Variants in AKAP6 observed in about 807,000 individuals in gnomAD.
AKAP6 encodes the protein A-kinase anchoring protein 6, also known as A-kinase anchor protein 6.
In AKAP6, 58 loss-of-function variants were observed where a neutral mutation model predicts 188.5. The observed-to-expected ratio is 0.31, with a 90% CI of 0.25 to 0.38. The LOEUF is 0.38. Among genes scored for constraint, AKAP6 ranks in the 10% least tolerant of loss-of-function variants. The pLI is 1.00. For missense variants in AKAP6, 2,710 were observed against 2,740.0 expected, an observed-to-expected ratio of 0.99 and a Z score of 0.24; for synonymous variants, 989 against 998.6, an observed-to-expected ratio of 0.99 and a Z score of 0.18.
intron 1 of AKAP6, among the ~76,000 whole-genome samples, chr14:32,378,845 T>C (rs17098933): frequency 0.11 from 16,852 of 152,092 alleles, 1,482 homozygotes; most frequent in African/African-American, 0.23. Context: ...AAACTAATAC[T>C]TATCTAATAG....
chr14:32,681,678 T>A (rs1342331377), intron 8 of AKAP6, among the ~76,000 whole-genome samples: 4 of 29,606 alleles, frequency 1.4e-4, no homozygotes, highest in Non-Finnish European at 2.2e-4. Flanking sequence ...ATTTGACAAA[T>A]TTTTTTTTTT....
At chr14:32,787,168 A>G (rs1325521084) in intron 12 of AKAP6, among the ~76,000 whole-genome samples, 1 of 152,256 alleles carries the variant, frequency 6.6e-6, no homozygotes, top group African/African-American at 2.4e-5. Flanking sequence ...AACTCGAGGA[A>G]ATTTGCAATG....
intron 3 of AKAP6, among the ~76,000 whole-genome samples, chr14:32,536,669 A>T (rs757333635): frequency 6.6e-6 from 1 of 152,158 alleles, no homozygotes; most frequent in South Asian, 2.1e-4. Context: ...GATTTTTCTT[A>T]TTTATATTCA....
intron 7 of AKAP6, among the ~76,000 whole-genome samples, chr14:32,606,991 T>C (rs1886151046): frequency 6.6e-6 from 1 of 152,126 alleles, no homozygotes. Flanking sequence ...GCAAGTCTAG[T>C]GTTAGCATGT....
intron 5 of AKAP6, among the ~76,000 whole-genome samples, chr14:32,581,474 A>AT (rs1477640602): frequency 6.6e-6 from 1 of 151,966 alleles, no homozygotes; most frequent in African/African-American, 2.4e-5. Flanking sequence ...TATTCTGTTG[A>AT]TTTGGGGTGG....
At chr14:32,486,481 T>C (rs563070249) in intron 2 of AKAP6, among the ~76,000 whole-genome samples, 1 of 152,330 alleles carries the variant, frequency 6.6e-6, no homozygotes, top group East Asian at 1.9e-4. Context: ...TTGTGTTGTA[T>C]CTTATTTCCT....
intron 2 of AKAP6, among the ~76,000 whole-genome samples, chr14:32,510,467 T>C (rs1474112106): frequency 3.0e-5 from 4 of 133,388 alleles, no homozygotes; most frequent in Non-Finnish European, 6.2e-5. Flanking sequence ...TATGTGTATA[T>C]ATATATATAC....
rs547035945 is a variant in AKAP6 at position 32,675,924 on chromosome 14, G to A, written c.2731-2387G>A. Among the ~76,000 whole-genome samples, 11 of 152,278 alleles carry A rather than the reference G, an allele frequency of 7.2e-5. No homozygotes were observed. In the South Asian group the frequency reaches 1.2e-3, roughly 17 times the overall value. ...AGAGATGAATGCAGATTATTTTTCT[G>A]TAATGGTGTTGAGTCTAGATGAAGT... On this transcript the variant is annotated intron_variant, in intron 7 of 13. Coordinates refer to ENST00000280979, the MANE Select transcript of AKAP6 (RefSeq NM_004274.5).
chr14:32,484,443 C>T (rs1879548415), intron 2 of AKAP6: 1 of 170,416 alleles, frequency 5.9e-6, no homozygotes, highest in Admixed American at 1.2e-4. Flanking sequence ...CCGGCGCCGG[C>T]TTCCACTATG....
chr14:32,550,988 C>T (rs1447554530), intron 4 of AKAP6, among the ~76,000 whole-genome samples: 1 of 152,128 alleles, frequency 6.6e-6, no homozygotes, highest in African/African-American at 2.4e-5. Context: ...CAGATTATGT[C>T]ATCCCTCTGC....
At chr14:32,648,849 G>A (rs965400009) in intron 7 of AKAP6, among the ~76,000 whole-genome samples, 1 of 151,838 alleles carries the variant, frequency 6.6e-6, no homozygotes, top group African/African-American at 2.4e-5. Flanking sequence ...TTCATGAGGC[G>A]GTACCTCTAC....
At chr14:32,536,894 G>A (rs937679660) in intron 3 of AKAP6, among the ~76,000 whole-genome samples, 5 of 152,124 alleles carry the variant, frequency 3.3e-5, no homozygotes, top group East Asian at 1.9e-4. Flanking sequence ...GGGTGTGTAC[G>A]CGCAGGCATG....
At chr14:32,377,545 G>A (rs539915753) in intron 1 of AKAP6, among the ~76,000 whole-genome samples, 1 of 152,236 alleles carries the variant, frequency 6.6e-6, no homozygotes, top group South Asian at 2.1e-4. Context: ...AGGGTGCCAT[G>A]CTGAGAGAAA....
chr14:32,769,562 T>TGG (rs2032834324), intron 11 of AKAP6, among the ~76,000 whole-genome samples: 1 of 151,106 alleles, frequency 6.6e-6, no homozygotes, highest in Non-Finnish European at 1.5e-5. Flanking sequence ...GTTTTTTTTT[T>TGG]TTTTTTTTTT....
intron 4 of AKAP6, among the ~76,000 whole-genome samples, chr14:32,565,258 T>A (rs1273763190): frequency 6.6e-6 from 1 of 152,218 alleles, no homozygotes; most frequent in Non-Finnish European, 1.5e-5. Flanking sequence ...TTATGATACA[T>A]AATATCATAT....
At chr14:32,444,144 A>C (rs1890681535) in intron 2 of AKAP6, among the ~76,000 whole-genome samples, 1 of 152,206 alleles carries the variant, frequency 6.6e-6, no homozygotes, top group East Asian at 1.9e-4. Context: ...TGGTAAAAAA[A>C]CAAAACTGTG....
chr14:32,761,317 C>T (rs2032529872), intron 11 of AKAP6, among the ~76,000 whole-genome samples: 1 of 152,116 alleles, frequency 6.6e-6, no homozygotes, highest in South Asian at 2.1e-4. Flanking sequence ...CCATTTATTT[C>T]CCTTCTGTAG....
chr14:32,464,094 A>G (rs1412827106), intron 2 of AKAP6, among the ~76,000 whole-genome samples: 4 of 152,222 alleles, frequency 2.6e-5, no homozygotes, highest in African/African-American at 9.6e-5. Context: ...AAATTGAGAC[A>G]GTAATTAATA....
chr14:32,404,792 G>A lies in AKAP6; in HGVS notation c.-34-28668G>A, dbSNP rs1889232988. On this transcript the variant is annotated intron_variant, in intron 1 of 13. Coordinates refer to ENST00000280979, the MANE Select transcript of AKAP6 (RefSeq NM_004274.5). ...GTTAAAATAAAACTAAATTTATAAA[G>A]GTGTGGGCTGGGTATAGGAAAAGTA... Among the ~76,000 whole-genome samples the A allele has an allele frequency of 4.8e-5, 7 of 145,880 alleles. No individual in the cohort carries two copies. The South Asian group carries it at 1.5e-3, about 32-fold the overall frequency.
Sources: gnomAD v4.1 joint callset for allele counts (sites outside exome capture counted in the v4.1 genomes callset) on GRCh38, gnomAD v4.1.1 for gene constraint, MANE v1.5 for transcripts, NCBI Gene and HGNC (gene_info 2026-07-23, HGNC 2026-07-21) for gene names.